The following NR2C1 variants were observed in gnomAD, a reference collection of about 807,000 sequenced individuals.
NR2C1 encodes TR2 nuclear hormone receptor.
NR2C1 carries 33 observed loss-of-function variants against 74.8 expected under a neutral mutation model. The observed-to-expected ratio is 0.44, with a 90% CI of 0.33 to 0.59. NR2C1 has a LOEUF of 0.59. NR2C1 is among the 20% of genes least tolerant of loss of function. The pLI is 0.02. For missense variants in NR2C1, 568 were observed against 715.6 expected (o/e 0.79, Z 2.35); for synonymous variants, 225 against 240.6 (o/e 0.94, Z 0.60).
chr12:95,049,516 T>C, intron 8 of NR2C1: 1 of 221,666 alleles, frequency 4.5e-6, no homozygotes, highest in Non-Finnish European at 8.9e-6. Context: ...TTTTATCGCT[T>C]GAGTCCAGGA....
At chr12:95,044,619 T>A (rs1219524201) in intron 9 of NR2C1, among the ~76,000 whole-genome samples, 1 of 152,106 alleles carries the variant, frequency 6.6e-6, no homozygotes, top group Non-Finnish European at 1.5e-5. Flanking sequence ...GTGTGATGGC[T>A]CACGCTTATA....
chr12:95,052,233 G>A (rs748694094), intron 7 of NR2C1, among the ~76,000 whole-genome samples: 10 of 150,518 alleles, frequency 6.6e-5, no homozygotes, highest in Non-Finnish European at 1.5e-4. Context: ...TCAGCTCACC[G>A]CAACCTCTGC....
chr12:95,038,440 G>A (rs1871127220), intron 10 of NR2C1, among the ~76,000 whole-genome samples: 1 of 152,214 alleles, frequency 6.6e-6, no homozygotes, highest in African/African-American at 2.4e-5. Flanking sequence ...CAAGATGAGT[G>A]AACTACACTT....
rs186929274 is a variant in NR2C1, at chr12:95,036,638, G to T, written c.1253+3838C>A. Among the ~76,000 whole-genome samples the T allele has an allele frequency of 4.6e-5, 7 of 151,818 alleles. No homozygotes were observed. In the East Asian group the frequency reaches 1.4e-3, roughly 29 times the overall value. On this transcript the variant is annotated intron_variant, in intron 10 of 13. Transcript: ENST00000333003. Reference sequence around the variant, plus strand: ...TGATTCTCCTGCCTCAGCCTCCTGCGTAGCTGGGATTACAGGCAGCTGCCA... The same window carrying T: ...TGATTCTCCTGCCTCAGCCTCCTGCTTAGCTGGGATTACAGGCAGCTGCCA...
chr12:95,052,154 C>CT (rs1354359695), intron 7 of NR2C1, among the ~76,000 whole-genome samples: 1 of 148,360 alleles, frequency 6.7e-6, no homozygotes, highest in African/African-American at 2.5e-5. Context: ...TTATATGTTA[C>CT]TTTGTTTTTT....
At chr12:95,043,556 G>T (rs970325350) in intron 9 of NR2C1, among the ~76,000 whole-genome samples, 1 of 151,794 alleles carries the variant, frequency 6.6e-6, no homozygotes, top group East Asian at 1.9e-4. Context: ...GGGCATGGCG[G>T]TGTGTGCCTG....
chr12:95,049,322 C>A, intron 8 of NR2C1, 89 bp from the exon 9 acceptor site: 1 of 1,369,510 alleles, frequency 7.3e-7, no homozygotes. Flanking sequence ...AAGATTTAAG[C>A]CTAAAAAACT....
chr12:95,067,361 T>C lies in NR2C1; in HGVS notation c.24A>G (p.Ala8=). The part of the protein sequence containing the change: MATIEEI[A]HQIIEQQMGE... ...CCATCTGTTGTTCAATAATTTGATGTGCAATTTCTTCTATGGTTGCCATGA... is the reference window on the plus strand; with the variant it reads ...CCATCTGTTGTTCAATAATTTGATGCGCAATTTCTTCTATGGTTGCCATGA... The change falls in exon 2 of 14, where the codon GCA becomes GCG. Residue 8 remains alanine, a synonymous_variant. Transcript: ENST00000333003. 1 of 1,613,912 alleles carries C rather than the reference T, an allele frequency of 6.2e-7. No individual in the cohort carries two copies. Among genetic ancestry groups the C allele is most frequent in the East Asian group, 2.2e-5 (1 of 44,862 alleles).
chr12:95,053,788 A>T (rs1234211456), intron 7 of NR2C1, among the ~76,000 whole-genome samples: 2 of 143,144 alleles, frequency 1.4e-5, no homozygotes, highest in Non-Finnish European at 3.0e-5. Flanking sequence ...GGTTCACGCC[A>T]TTCTCCTGCC....
intron 1 of NR2C1, among the ~76,000 whole-genome samples, chr12:95,068,242 T>G (rs1396226133): frequency 6.6e-6 from 1 of 152,186 alleles, no homozygotes; most frequent in Admixed American, 6.5e-5. Context: ...GTCCTCTTCA[T>G]AGAAGGACAT....
intron 11 of NR2C1, chr12:95,030,440 G>A (rs1252424981): frequency 2.9e-6 from 4 of 1,376,982 alleles, no homozygotes; most frequent in East Asian, 2.6e-5. Context: ...TTAATTTATT[G>A]TAGAGGGACA....
chr12:95,063,826 T>C (rs1006563575), intron 2 of NR2C1, among the ~76,000 whole-genome samples: 6 of 148,570 alleles, frequency 4.0e-5, no homozygotes, highest in Non-Finnish European at 5.9e-5. Context: ...GGTCAGGAGT[T>C]CAAGCCCAGC....
Position 95,035,612 on chromosome 12 carries a change from A to G in NR2C1, c.1254-4124T>C, listed in dbSNP as rs143225692. 2.0e-5 allele frequency among the ~76,000 whole-genome samples: 3 copies of G among 152,348 alleles called. 1 individual carries two copies. Among genetic ancestry groups the G allele is most frequent in the African/African-American group, 7.2e-5 (3 of 41,584 alleles). On this transcript the variant is annotated intron_variant, in intron 10 of 13. Transcript: ENST00000333003. ...TAAGGAAAAAAGACACCAGTGGCAG[A>G]TGAGAAATAACCTACCAGATTATTG...
Position 95,062,503 on chromosome 12 carries a change from T to C in NR2C1, c.285+5A>G, listed in dbSNP as rs1452308724. On this transcript the variant is annotated splice_donor_5th_base_variant and intron_variant, in intron 3 of 13. Coordinates refer to ENST00000333003, the MANE Select transcript of NR2C1 (RefSeq NM_003297.4). ...AGAGGAAAAGACACTTCTATAGTTATTTACCTGCAGGTGTTGTGCAGACAG... is the reference window on the plus strand; with the variant it reads ...AGAGGAAAAGACACTTCTATAGTTACTTACCTGCAGGTGTTGTGCAGACAG... 4 of 1,583,856 alleles carry C rather than the reference T, an allele frequency of 2.5e-6. No individual in the cohort carries two copies. The highest frequency in any genetic ancestry group is 1.4e-5 in the African/African-American group (1 of 73,952).
Position 95,062,845 on chromosome 12 carries a change from C to T in NR2C1, c.55-107G>A, listed in dbSNP as rs1017580797. ...ACATATATATTCAATATAACACACA[C>T]GTACCTTTTAAACTACCGATTCTAT... On this transcript the variant is annotated intron_variant, in intron 2 of 13. Coordinates refer to ENST00000333003, the MANE Select transcript of NR2C1 (RefSeq NM_003297.4). The T allele has an allele frequency of 2.9e-5, 23 of 781,722 alleles. No homozygotes were observed. The African/African-American group carries it at 3.1e-4, about 11-fold the overall frequency. 48.4% of individuals were successfully genotyped at this position (781,722 alleles called of 1,614,324 possible).
chr12:95,058,305 C>A lies in NR2C1; in HGVS notation c.544+5G>T. Reference sequence around the variant, plus strand: ...AGTATTTTCTCCTTAAAAGCTAATACATACAGTCTTGCTTCATTCCAAACG... The same window carrying A: ...AGTATTTTCTCCTTAAAAGCTAATAAATACAGTCTTGCTTCATTCCAAACG... On this transcript the variant is annotated splice_donor_5th_base_variant and intron_variant, in intron 5 of 13. Transcript: ENST00000333003. 6.3e-7 allele frequency: 1 copy of A among 1,596,484 alleles called. No homozygotes were observed. Among genetic ancestry groups the A allele is most frequent in the Middle Eastern group, 1.7e-4 (1 of 5,946 alleles).
intron 2 of NR2C1, among the ~76,000 whole-genome samples, chr12:95,063,128 G>A (rs1203216334): frequency 2.0e-5 from 3 of 152,170 alleles, no homozygotes; most frequent in Non-Finnish European, 2.9e-5. Flanking sequence ...TAATAATATT[G>A]TCATGCGGTA....
chr12:95,024,083 T>C (rs1428856292), intron 13 of NR2C1, among the ~76,000 whole-genome samples: 1 of 152,164 alleles, frequency 6.6e-6, no homozygotes, highest in African/African-American at 2.4e-5. Context: ...GAAAGCAGAA[T>C]AGGAAAACGA....
In NR2C1 at chr12:95,046,463, C is replaced by T. The variant is rs184233740; in HGVS notation, c.1131+2605G>A. Among the ~76,000 whole-genome samples, 14 of 152,234 alleles carry T rather than the reference C, an allele frequency of 9.2e-5. No homozygotes were observed. In the East Asian group the frequency reaches 2.1e-3, roughly 23 times the overall value. On this transcript the variant is annotated intron_variant, in intron 9 of 13. Transcript: ENST00000333003. ...ATTAGCTGGGTGTGGTGGCACATGC[C>T]TGTGGTCTCAGCAACATGAAAGACT...
Sources: gnomAD v4.1 joint callset for allele counts (sites outside exome capture counted in the v4.1 genomes callset) on GRCh38, gnomAD v4.1.1 for gene constraint, MANE v1.5 for transcripts, NCBI Gene and HGNC (gene_info 2026-07-23, HGNC 2026-07-21) for gene names.